ERI1: variants seen among roughly 807,000 people sequenced by gnomAD.
The protein encoded by ERI1 is 3'-5' exoribonuclease 1.
In ERI1, 39 loss-of-function variants were observed where a neutral mutation model predicts 39.7. The ratio of observed to expected loss-of-function variants is 0.98; its 90% CI spans 0.76 to 1.28. The LOEUF is 1.28. ERI1 is among the 50% of genes most tolerant of loss of function. The pLI is 0.00. For missense variants in ERI1, 581 were observed against 416.9 expected (o/e 1.39, Z -3.43); for synonymous variants, 204 against 149.6 (o/e 1.36, Z -2.65).
intron 6 of ERI1, among the ~76,000 whole-genome samples, chr8:9,026,057 GC>G (rs1263641181): frequency 1.3e-5 from 2 of 152,100 alleles, no homozygotes; most frequent in African/African-American, 4.8e-5. Flanking sequence ...CTACCAATAA[GC>G]AATAGCTTTC....
At chr8:9,009,712 G>C (rs1360994231) in intron 2 of ERI1, among the ~76,000 whole-genome samples, 1 of 152,044 alleles carries the variant, frequency 6.6e-6, no homozygotes, top group Non-Finnish European at 1.5e-5. Context: ...GCTAATTTTT[G>C]TATTTTTAGT....
At chr8:9,059,657 T>A (rs973770084) in intron 3 of ERI1, among the ~76,000 whole-genome samples, 1 of 152,170 alleles carries the variant, frequency 6.6e-6, no homozygotes, top group Non-Finnish European at 1.5e-5. Context: ...CTAGGACATC[T>A]ACCTAGAGAG....
chr8:9,004,749 T>C (rs2117167394), intron 1 of ERI1, among the ~76,000 whole-genome samples: 1 of 60,602 alleles, frequency 1.7e-5, no homozygotes, highest in Admixed American at 1.8e-4. Flanking sequence ...TGCAATGGCA[T>C]GGTCTCAGCT....
intron 3 of ERI1, among the ~76,000 whole-genome samples, chr8:9,013,308 C>A (rs1292334650): frequency 2.7e-5 from 4 of 145,734 alleles, no homozygotes; most frequent in Non-Finnish European, 4.5e-5. Context: ...AGCCACCATG[C>A]CCGGCCATTC....
At chr8:9,026,651 A>G (rs547248062) in intron 6 of ERI1, among the ~76,000 whole-genome samples, 9 of 152,340 alleles carry the variant, frequency 5.9e-5, no homozygotes, top group African/African-American at 1.9e-4. Context: ...AAATGCTCCA[A>G]AAATCTGAAA....
chr8:9,022,706 G>T (rs1232033250), intron 6 of ERI1, among the ~76,000 whole-genome samples: 1 of 151,952 alleles, frequency 6.6e-6, no homozygotes, highest in Non-Finnish European at 1.5e-5. Context: ...GGCCTTTTGT[G>T]GATCTTTTTT....
intron 3 of ERI1, among the ~76,000 whole-genome samples, chr8:9,097,208 T>C (rs1437389548): frequency 6.6e-6 from 1 of 152,222 alleles, no homozygotes; most frequent in African/African-American, 2.4e-5. Flanking sequence ...CGCTTTCATA[T>C]GCTACATATT....
At chr8:9,036,041 A>C (rs371048831), downstream of ERI1, among the ~76,000 whole-genome samples, 3 of 152,246 alleles carry the variant, frequency 2.0e-5, no homozygotes, top group African/African-American at 7.2e-5. Context: ...CAGCCTCATG[A>C]TAAAACTTGA....
intron 3 of ERI1, among the ~76,000 whole-genome samples, chr8:9,077,670 TAA>T (rs1799249342): frequency 1.3e-5 from 2 of 152,204 alleles, no homozygotes; most frequent in South Asian, 2.1e-4. Flanking sequence ...TAGCCTATGG[TAA>T]AAGTCTCTCT....
intron 6 of ERI1, among the ~76,000 whole-genome samples, chr8:9,029,033 A>C (rs1426950688): frequency 6.6e-6 from 1 of 150,940 alleles, no homozygotes; most frequent in African/African-American, 2.4e-5. Flanking sequence ...ATAACCTGAA[A>C]AATACCACAC....
rs138737787 is a variant in ERI1, at chr8:9,008,077, G to A, written c.216G>A (p.Thr72=). 1.3e-4 allele frequency: 208 copies of A among 1,611,490 alleles called. 1 individual carries two copies. The African/African-American group carries it at 2.0e-3, about 15-fold the overall frequency. ...CGGTTTACAAAGAGATTGCCATTAC[G>A]AATGGCTGTATTAATAGAATGAGTA... ...SDPVYKEIAI[T]NGCINRMSKE... is the part of the protein sequence containing the mutation. The change falls in exon 2 of 7, where the codon ACG becomes ACA. Residue 72 remains threonine, a synonymous_variant. Coordinates refer to ENST00000250263, the MANE Select transcript of ERI1 (RefSeq NM_153332.4).
At chr8:9,016,291 A>C (rs752205788) in intron 3 of ERI1, 31 bp from the exon 4 acceptor site, 16 of 1,425,712 alleles carry the variant, frequency 1.1e-5, no homozygotes, top group Non-Finnish European at 9.7e-7. Flanking sequence ...ACTCATATAA[A>C]TTACTTTAAC....
intron 1 of ERI1, chr8:9,004,016 G>C: frequency 8.5e-7 from 1 of 1,176,134 alleles, no homozygotes; most frequent in Non-Finnish European, 1.1e-6. Flanking sequence ...CTGCGGGGTC[G>C]GGTGCCTGCC....
intron 4 of ERI1, 104 bp downstream of exon 4, chr8:9,016,509 A>G: frequency 1.9e-6 from 1 of 521,894 alleles, no homozygotes; most frequent in Non-Finnish European, 3.2e-6. Flanking sequence ...TGAACAATTT[A>G]ATACCTTGCT....
rs1563372840 is a variant in ERI1 at position 9,072,814 on chromosome 8, G to GGGTC, written n.300-43534_300-43533insGGTC. ...AGAAGCAGCCCCAGAGAGAGAAGCAGAGGGTCAGGGTCAGGGTCAGCACCG... is the reference window on the plus strand; with the variant it reads ...AGAAGCAGCCCCAGAGAGAGAAGCAGGGTCAGGGTCAGGGTCAGGGTCAGCACCG... On this transcript the variant is annotated intron_variant and non_coding_transcript_variant, in intron 3 of 3. Transcript: ENST00000518663. Among the ~76,000 whole-genome samples, 337 of 152,286 alleles carry GGGTC rather than the reference G, an allele frequency of 2.2e-3. 3 individuals carry two copies. The highest frequency in any genetic ancestry group is 7.5e-3 in the African/African-American group (312 of 41,536).
At chr8:9,018,546 T>C in intron 5 of ERI1, 140 bp downstream of exon 5, 3 of 539,558 alleles carry the variant, frequency 5.6e-6, no homozygotes, top group Non-Finnish European at 9.8e-6. Flanking sequence ...TATTTTTCCT[T>C]TCACCTAAGG....
chr8:9,010,334 AAAG>A lies in ERI1; in HGVS notation c.288-1205_288-1203del, dbSNP rs561724214. On this transcript the variant is annotated intron_variant, in intron 2 of 6. Transcript: ENST00000250263. ...AATAACAACCAATAAAAAGATAAAA[AAAG>A]AAAGTAATCCAAAGCTGTCACATGA... Among the ~76,000 whole-genome samples the A allele has an allele frequency of 2.7e-3, 418 of 152,310 alleles. 1 individual carries two copies. The highest frequency in any genetic ancestry group is 9.1e-3 in the African/African-American group (380 of 41,550).
chr8:9,091,558 A>G (rs559725836), intron 3 of ERI1: 1 of 152,188 alleles, frequency 6.6e-6, no homozygotes, highest in Non-Finnish European at 1.5e-5. Flanking sequence ...GTGCTCAAAT[A>G]AAAATGTTTT....
intron 3 of ERI1, among the ~76,000 whole-genome samples, chr8:9,095,632 C>T (rs1585306539): frequency 6.6e-6 from 1 of 151,926 alleles, no homozygotes; most frequent in South Asian, 2.1e-4. Flanking sequence ...GTGATCCTCC[C>T]ACCTTAGACT....
Sources: allele counts gnomAD v4.1 joint callset (sites outside exome capture counted in the v4.1 genomes callset), GRCh38; gene constraint gnomAD v4.1.1; transcripts MANE v1.5; gene names NCBI Gene and HGNC (gene_info 2026-07-23, HGNC 2026-07-21).